CDH12: variants seen among roughly 807,000 people sequenced by gnomAD.
The protein encoded by CDH12 is cadherin-12.
In CDH12, 41 loss-of-function variants were observed where a neutral mutation model predicts 74.1. The observed-to-expected ratio is 0.55, with a 90% CI of 0.43 to 0.72. The LOEUF (loss-of-function observed/expected upper bound fraction) is 0.72. Among genes scored for constraint, CDH12 ranks in the 30% least tolerant of loss-of-function variants. The pLI is 0.00. For missense variants in CDH12, 945 were observed against 977.2 expected (o/e 0.97, Z 0.44); for synonymous variants, 399 against 355.0 (o/e 1.12, Z -1.39).
intron 6 of CDH12, among the ~76,000 whole-genome samples, chr5:21,897,410 G>A (rs1192352532): frequency 1.3e-5 from 2 of 152,170 alleles, no homozygotes; most frequent in Non-Finnish European, 2.9e-5. Context: ...GAAAAAAGAT[G>A]TTACTGAAGA....
chr5:22,502,044 T>C (rs561173558), intron 2 of CDH12, among the ~76,000 whole-genome samples: 3 of 152,266 alleles, frequency 2.0e-5, no homozygotes, highest in African/African-American at 7.2e-5. Flanking sequence ...ACTTTCCATT[T>C]GTCGACACTC....
intron 4 of CDH12, among the ~76,000 whole-genome samples, 159 bp from the exon 5 acceptor site, chr5:22,079,021 T>G (rs1034215782): frequency 1.6e-4 from 25 of 152,190 alleles, no homozygotes; most frequent in African/African-American, 5.5e-4. Flanking sequence ...CATTTTAACT[T>G]GGATAAATTA....
At chr5:22,189,856 C>CT (rs140271612) in intron 4 of CDH12, among the ~76,000 whole-genome samples, 5 of 152,084 alleles carry the variant, frequency 3.3e-5, no homozygotes, top group African/African-American at 4.8e-5. Context: ...ATCTTCCCCC[C>CT]GCCTATCCCC....
intron 1 of CDH12, among the ~76,000 whole-genome samples, chr5:22,722,725 T>C (rs757437670): frequency 5.9e-5 from 9 of 152,218 alleles, no homozygotes; most frequent in Admixed American, 1.3e-4. Flanking sequence ...CAGATGTATA[T>C]CCATATTCAC....
intron 5 of CDH12, among the ~76,000 whole-genome samples, chr5:22,054,368 G>GT (rs1740593783): frequency 6.6e-6 from 1 of 152,036 alleles, no homozygotes. Flanking sequence ...AGAGATTTGA[G>GT]TTTTATATTT....
At chr5:22,427,470 G>T (rs1462154885) in intron 2 of CDH12, among the ~76,000 whole-genome samples, 1 of 152,040 alleles carries the variant, frequency 6.6e-6, no homozygotes, top group Non-Finnish European at 1.5e-5. Flanking sequence ...CTGACCAAAA[G>T]GAATACTTTT....
chr5:22,415,143 C>T (rs927364676), intron 2 of CDH12, among the ~76,000 whole-genome samples: 2 of 151,958 alleles, frequency 1.3e-5, no homozygotes, highest in Non-Finnish European at 2.9e-5. Context: ...TATTTGTATT[C>T]ATTCTATAAG....
intron 1 of CDH12, among the ~76,000 whole-genome samples, chr5:22,844,145 T>C (rs1035600229): frequency 2.0e-5 from 3 of 152,084 alleles, no homozygotes; most frequent in Admixed American, 2.0e-4. Context: ...GCTGTTATTC[T>C]CACAAGAAAA....
intron 1 of CDH12, among the ~76,000 whole-genome samples, chr5:22,809,123 G>A (rs1274855932): frequency 1.3e-5 from 2 of 151,420 alleles, no homozygotes; most frequent in African/African-American, 4.8e-5. Context: ...TAATTCTGAT[G>A]AGCCTACAGT....
chr5:22,224,167 A>G (rs1253582230), intron 3 of CDH12, among the ~76,000 whole-genome samples: 1 of 152,112 alleles, frequency 6.6e-6, no homozygotes, highest in African/African-American at 2.4e-5. Context: ...CAACTCTTCT[A>G]GATCCTGCTC....
chr5:22,583,806 G>A (rs762813330), intron 1 of CDH12, among the ~76,000 whole-genome samples: 1 of 152,054 alleles, frequency 6.6e-6, no homozygotes, highest in Non-Finnish European at 1.5e-5. Flanking sequence ...AATCAATAAA[G>A]ATAATATAGT....
chr5:22,050,170 G>C, intron 5 of CDH12, among the ~76,000 whole-genome samples: 1 of 151,880 alleles, frequency 6.6e-6, no homozygotes, highest in East Asian at 1.9e-4. Flanking sequence ...TTCCTATGTA[G>C]TATCTCTACT....
chr5:22,187,267 T>C (rs960242402), intron 4 of CDH12, among the ~76,000 whole-genome samples: 1 of 152,150 alleles, frequency 6.6e-6, no homozygotes, highest in Non-Finnish European at 1.5e-5. Context: ...ACTTATCATC[T>C]TAAATCCCAG....
At chr5:22,076,366 C>T (rs1419337972) in intron 5 of CDH12, among the ~76,000 whole-genome samples, 2 of 152,112 alleles carry the variant, frequency 1.3e-5, no homozygotes, top group Non-Finnish European at 2.9e-5. Context: ...AATACTACTG[C>T]TATCTAGGTT....
intron 6 of CDH12, among the ~76,000 whole-genome samples, chr5:21,857,957 G>C (rs1464440009): frequency 6.6e-6 from 1 of 151,672 alleles, no homozygotes; most frequent in Non-Finnish European, 1.5e-5. Flanking sequence ...GACAGAGAGA[G>C]GGAGAGAGGC....
intron 5 of CDH12, among the ~76,000 whole-genome samples, chr5:22,061,468 T>C (rs1258149706): frequency 6.6e-6 from 1 of 152,154 alleles, no homozygotes; most frequent in East Asian, 1.9e-4. Context: ...AACCATGGCA[T>C]ATAGTCATGA....
At chr5:21,859,727 T>C (rs1478548827) in intron 6 of CDH12, among the ~76,000 whole-genome samples, 5 of 152,002 alleles carry the variant, frequency 3.3e-5, no homozygotes, top group Non-Finnish European at 5.9e-5. Flanking sequence ...GAAGTTAAGA[T>C]TGCCACCTGG....
intron 2 of CDH12, among the ~76,000 whole-genome samples, chr5:22,431,565 G>A (rs1744173621): frequency 6.6e-6 from 1 of 152,158 alleles, no homozygotes; most frequent in Non-Finnish European, 1.5e-5. Context: ...TAAAAAATTA[G>A]TTTACACAAC....
chr5:21,971,498 A>T (rs192284567), intron 6 of CDH12, among the ~76,000 whole-genome samples: 276 of 152,278 alleles, frequency 1.8e-3, no homozygotes, highest in African/African-American at 6.4e-3. Context: ...GTCACTATTG[A>T]CATCTACTAT....
Sources: gnomAD v4.1 joint callset for allele counts (sites outside exome capture counted in the v4.1 genomes callset) on GRCh38, gnomAD v4.1.1 for gene constraint, MANE v1.5 for transcripts, NCBI Gene and HGNC (gene_info 2026-07-23, HGNC 2026-07-21) for gene names.